The following ADAM10 variants were observed in gnomAD, a reference collection of about 807,000 sequenced individuals.
ADAM10 encodes ADAM metallopeptidase domain 10.
A neutral mutation model predicts 90.1 loss-of-function variants in ADAM10; 17 were observed. The observed-to-expected ratio is 0.19, with a 90% confidence interval of 0.13 to 0.28. The LOEUF (loss-of-function observed/expected upper bound fraction) is 0.28, where lower values mean the gene tolerates loss of function less well. ADAM10 is among the 10% of genes least tolerant of loss of function. ADAM10 has a pLI of 1.00. For missense variants in ADAM10, 610 were observed against 914.3 expected (o/e 0.67, Z 4.29); for synonymous variants, 310 against 298.6 (o/e 1.04, Z -0.40).
intron 11 of ADAM10, among the ~76,000 whole-genome samples, chr15:58,613,903 C>T (rs1192724320): frequency 2.6e-5 from 4 of 152,084 alleles, no homozygotes; most frequent in African/African-American, 9.7e-5. Flanking sequence ...ATCACTTGAG[C>T]CCAGGAGTTC....
chr15:58,698,366 G>GT, intron 2 of ADAM10: 1 of 396,430 alleles, frequency 2.5e-6, no homozygotes, highest in African/African-American at 2.3e-5. Flanking sequence ...CAACCCAGGA[G>GT]TTTGAGACCA....
chr15:58,735,863 T>C (rs1156989635), intron 1 of ADAM10, among the ~76,000 whole-genome samples: 1 of 152,220 alleles, frequency 6.6e-6, no homozygotes, highest in Non-Finnish European at 1.5e-5. Context: ...TATTTATCTA[T>C]GAAAAAACTG....
intron 1 of ADAM10, chr15:58,747,894 G>C (rs1293895342): frequency 6.6e-6 from 1 of 152,084 alleles, no homozygotes; most frequent in Non-Finnish European, 1.5e-5. Flanking sequence ...AGTGCCTCAT[G>C]TGTTTGTCTT....
At position 58,589,807 on chromosome 15, in the gene ADAM10, T is replaced by A. The variant is rs1301245332; in HGVS notation, c.*7740A>T. 1.3e-5 allele frequency: 2 copies of A among 152,124 alleles called. No individual in the cohort carries two copies. Among genetic ancestry groups the A allele is most frequent in the Non-Finnish European group, 1.5e-5 (1 of 68,040 alleles). The allele number at this position is 152,124 out of a possible 1,614,324, so 9.4% of individuals were successfully genotyped here. ...GCTAGGTGTCTTAATCCTAAATTTA[T>A]GATAGTCATGATACAGACGCCCAGG... On this transcript the variant is annotated 3_prime_UTR_variant, in exon 16 of 16. Transcript: ENST00000260408.
intron 2 of ADAM10, among the ~76,000 whole-genome samples, chr15:58,683,504 T>C (rs1033824203): frequency 1.3e-5 from 2 of 152,162 alleles, no homozygotes; most frequent in African/African-American, 4.8e-5. Context: ...TAGAAATGTA[T>C]CTTACATATA....
intron 8 of ADAM10, among the ~76,000 whole-genome samples, chr15:58,635,358 C>T (rs1263362966): frequency 6.6e-6 from 1 of 151,014 alleles, no homozygotes; most frequent in East Asian, 1.9e-4. Context: ...CTGCCCACCT[C>T]AGGTGATGTA....
At chr15:58,698,334 G>A in intron 2 of ADAM10, 1 of 437,890 alleles carries the variant, frequency 2.3e-6, no homozygotes, top group Middle Eastern at 3.4e-4. Flanking sequence ...CACTGTGGGA[G>A]GCTGAGGCAG....
chr15:58,685,160 T>TAAAAAAAAAA (rs140613738), intron 2 of ADAM10, among the ~76,000 whole-genome samples: 1 of 119,118 alleles, frequency 8.4e-6, no homozygotes, highest in Non-Finnish European at 1.8e-5. Context: ...TTATATTAAG[T>TAAAAAAAAAA]AAAAAAAAAA....
intron 8 of ADAM10, among the ~76,000 whole-genome samples, chr15:58,638,225 T>C (rs540363768): frequency 6.6e-6 from 1 of 150,986 alleles, no homozygotes; most frequent in Non-Finnish European, 1.5e-5. Context: ...GATAATAATA[T>C]AAAAGGAAAA....
intron 8 of ADAM10, among the ~76,000 whole-genome samples, chr15:58,633,985 C>T (rs142234521): frequency 2.6e-4 from 40 of 151,362 alleles, no homozygotes; most frequent in African/African-American, 9.4e-4. Context: ...AAAGCAAATG[C>T]GACAAAAGGT....
chr15:58,611,658 C>T, intron 12 of ADAM10, 150 bp downstream of exon 12: 1 of 716,284 alleles, frequency 1.4e-6, no homozygotes, highest in Non-Finnish European at 2.3e-6. Flanking sequence ...AATTGAATGC[C>T]ACATAATATA....
At chr15:58,673,319 T>C (rs1897240175) in intron 4 of ADAM10, among the ~76,000 whole-genome samples, 1 of 151,868 alleles carries the variant, frequency 6.6e-6, no homozygotes, top group African/African-American at 2.4e-5. Flanking sequence ...GTTTTTCACC[T>C]TCATTTCTCT....
Position 58,621,507 on chromosome 15 carries a change from C to T in ADAM10, c.1475G>A (p.Gly492Glu). 1 of 1,614,084 alleles carries T rather than the reference C, an allele frequency of 6.2e-7. No homozygotes were observed. The highest frequency in any genetic ancestry group is 8.5e-7 in the Non-Finnish European group (1 of 1,180,006). The change falls in exon 11 of 16, where the codon GGA (glycine) becomes GAA (glutamate). Residue 492 changes from glycine to glutamate, a missense_variant. Physicochemically the swap from Gly to Glu is moderately conservative, Grantham distance 98. Coordinates refer to ENST00000260408, the MANE Select transcript of ADAM10 (RefSeq NM_001110.4). ...ECCFDANQPE[G>E]RKCKLKPGKQ... The stretch of plus-strand genomic sequence containing the variant: ...CCCAGGTTTCAGTTTGCATTTTCTT[C>T]CCTCTGGTTGATTTGCATCGAAGCA...
intron 8 of ADAM10, among the ~76,000 whole-genome samples, chr15:58,633,596 A>C (rs1896161451): frequency 6.6e-6 from 1 of 152,194 alleles, no homozygotes; most frequent in South Asian, 2.1e-4. Context: ...CCTTTACAAA[A>C]TGTTCTTCAC....
At chr15:58,716,420 G>A (rs1264747578) in intron 2 of ADAM10, among the ~76,000 whole-genome samples, 1 of 152,188 alleles carries the variant, frequency 6.6e-6, no homozygotes, top group East Asian at 1.9e-4. Flanking sequence ...AAAGTAAAGT[G>A]TCTAAGAGGC....
In ADAM10 at chr15:58,689,551, G is replaced by T. The variant is rs557330006; in HGVS notation, c.207-7237C>A. On this transcript the variant is annotated intron_variant, in intron 2 of 15. Transcript: ENST00000260408. Reference sequence around the variant, plus strand: ...TGGAGTAACTTTTTTAATGCTGAAAGAAAAACAATGTCAATCCAAATTCTA... The same window carrying T: ...TGGAGTAACTTTTTTAATGCTGAAATAAAAACAATGTCAATCCAAATTCTA... Among the ~76,000 whole-genome samples the T allele has an allele frequency of 3.3e-5, 5 of 151,676 alleles. No individual in the cohort carries two copies. The East Asian group carries it at 7.7e-4, about 23-fold the overall frequency.
intron 14 of ADAM10, 85 bp from the exon 15 acceptor site, chr15:58,599,809 T>A (rs1439727715): frequency 7.5e-7 from 1 of 1,331,314 alleles, no homozygotes; most frequent in Non-Finnish European, 1.1e-6. Flanking sequence ...AAACATAGAA[T>A]AGAACACAGT....
chr15:58,595,918 T>TTCATGTACAAAATTTGTCTCTAAA lies in ADAM10; in HGVS notation c.*1605_*1628dup, dbSNP rs1304751930. On this transcript the variant is annotated 3_prime_UTR_variant, in exon 16 of 16. Coordinates refer to ENST00000260408, the MANE Select transcript of ADAM10 (RefSeq NM_001110.4). The stretch of plus-strand genomic sequence containing the variant: ...GAATTATTTATAGTCTATCTGGGGT[T>TTCATGTACAAAATTTGTCTCTAAA]TCATGTACAAAATTTGTCTCTAAAT... 2 of 152,142 alleles carry TTCATGTACAAAATTTGTCTCTAAA rather than the reference T, an allele frequency of 1.3e-5. No individual in the cohort carries two copies. Among genetic ancestry groups the TTCATGTACAAAATTTGTCTCTAAA allele is most frequent in the African/African-American group, 4.8e-5 (2 of 41,440 alleles). 9.4% of individuals were successfully genotyped at this position (152,142 alleles called of 1,614,324 possible).
Position 58,627,942 on chromosome 15 carries a change from C to T in ADAM10, c.1177-59G>A. On this transcript the variant is annotated intron_variant, in intron 9 of 15. Transcript: ENST00000260408. ...AAGTAAAATAAGGTTTTCAGGTCAA[C>T]TGATTAAACGTAATGTTCTCATCAG... The T allele has an allele frequency of 3.3e-6, 5 of 1,513,678 alleles. No homozygotes were observed. In the South Asian group the frequency reaches 5.7e-5, roughly 17 times the overall value. 93.8% of individuals were successfully genotyped at this position (1,513,678 alleles called of 1,614,324 possible).
Sources: allele counts gnomAD v4.1 joint callset (sites outside exome capture counted in the v4.1 genomes callset), GRCh38; gene constraint gnomAD v4.1.1; transcripts MANE v1.5; gene names NCBI Gene and HGNC (gene_info 2026-07-23, HGNC 2026-07-21).